Variants in ARHGEF4 observed in about 807,000 individuals in gnomAD.
ARHGEF4 encodes Rho guanine nucleotide exchange factor 4.
In ARHGEF4, 119 loss-of-function variants were observed where a neutral mutation model predicts 162.0. That is an observed-to-expected ratio of 0.73 (90% confidence interval 0.63 to 0.86). The LOEUF (loss-of-function observed/expected upper bound fraction) is 0.86, where lower values mean the gene tolerates loss of function less well. Among genes scored for constraint, ARHGEF4 ranks in the 40% least tolerant of loss-of-function variants. The pLI is 0.00. For missense variants in ARHGEF4, 2,488 were observed against 2,456.0 expected, an observed-to-expected ratio of 1.01 and a Z score of -0.28; for synonymous variants, 1,014 against 979.9, an observed-to-expected ratio of 1.03 and a Z score of -0.65.
intron 1 of ARHGEF4, among the ~76,000 whole-genome samples, chr2:130,901,896 A>C (rs1397799720): frequency 6.6e-6 from 1 of 152,202 alleles, no homozygotes; most frequent in Non-Finnish European, 1.5e-5. Context: ...AAATCAGCCC[A>C]GGGCCAGATA....
chr2:130,852,832 G>C (rs1681506717), intron 1 of ARHGEF4, among the ~76,000 whole-genome samples: 1 of 152,196 alleles, frequency 6.6e-6, no homozygotes, highest in Non-Finnish European at 1.5e-5. Context: ...CACTCCTCAG[G>C]GTTGTGCTCT....
intron 4 of ARHGEF4, among the ~76,000 whole-genome samples, chr2:130,992,431 G>C (rs1260538116): frequency 6.6e-6 from 1 of 152,130 alleles, no homozygotes; most frequent in Non-Finnish European, 1.5e-5. Flanking sequence ...AAGCCAGCGA[G>C]ACCACGAGCC....
intron 4 of ARHGEF4, among the ~76,000 whole-genome samples, chr2:130,964,645 C>T (rs1240392414): frequency 1.3e-5 from 2 of 152,240 alleles, no homozygotes; most frequent in South Asian, 2.1e-4. Context: ...AGCTGCTTAG[C>T]CTCTGTAAAG....
At chr2:130,856,807 A>G (rs1001658407) in intron 1 of ARHGEF4, among the ~76,000 whole-genome samples, 1 of 152,232 alleles carries the variant, frequency 6.6e-6, no homozygotes, top group Non-Finnish European at 1.5e-5. Context: ...GTATATTAAA[A>G]AAAAAGAAAT....
intron 1 of ARHGEF4, among the ~76,000 whole-genome samples, chr2:130,860,966 G>T (rs1574112032): frequency 1.4e-5 from 1 of 69,566 alleles, no homozygotes; most frequent in Non-Finnish European, 2.4e-5. Flanking sequence ...AAGCTAAGAT[G>T]AATATTGTAA....
chr2:130,875,736 ACCCATAGCT>A (rs1678787800), intron 1 of ARHGEF4, among the ~76,000 whole-genome samples: 1 of 152,010 alleles, frequency 6.6e-6, no homozygotes, highest in Non-Finnish European at 1.5e-5. Flanking sequence ...GACACACTTA[ACCCATAGCT>A]CCTACCAAGA....
intron 4 of ARHGEF4, among the ~76,000 whole-genome samples, chr2:131,027,470 T>G (rs1398893395): frequency 6.6e-6 from 1 of 152,228 alleles, no homozygotes; most frequent in Non-Finnish European, 1.5e-5. Context: ...GGTGTTTTTC[T>G]TAAGTAGAGT....
chr2:131,042,648 CTGGGG>C (rs1222156140), intron 10 of ARHGEF4, among the ~76,000 whole-genome samples: 2 of 152,172 alleles, frequency 1.3e-5, no homozygotes, highest in African/African-American at 4.8e-5. Context: ...ATCAGAAGCC[CTGGGG>C]CGGGGCTGAG....
intron 5 of ARHGEF4, chr2:131,034,965 C>T (rs1296538367): frequency 2.0e-6 from 2 of 983,310 alleles, no homozygotes; most frequent in African/African-American, 1.8e-5. Context: ...CGCACGGCGC[C>T]GGCTTCGCGG....
At chr2:130,871,610 C>T (rs1312898862) in intron 1 of ARHGEF4, among the ~76,000 whole-genome samples, 2 of 151,034 alleles carry the variant, frequency 1.3e-5, no homozygotes, top group East Asian at 3.9e-4. Flanking sequence ...CACACACACA[C>T]ACCTGCTTTC....
At chr2:130,981,396 T>C (rs1686106863) in intron 4 of ARHGEF4, among the ~76,000 whole-genome samples, 1 of 151,766 alleles carries the variant, frequency 6.6e-6, no homozygotes, top group Non-Finnish European at 1.5e-5. Context: ...GAAGTGAAAA[T>C]AGGCCTGTAA....
chr2:130,983,432 T>C (rs1686257710), intron 4 of ARHGEF4, among the ~76,000 whole-genome samples: 1 of 152,154 alleles, frequency 6.6e-6, no homozygotes, highest in Admixed American at 6.5e-5. Flanking sequence ...TAACCTTCCA[T>C]GCCAAACCCT....
At chr2:130,837,124 G>A in intron 1 of ARHGEF4, 132 bp downstream of exon 1, 2 of 787,958 alleles carry the variant, frequency 2.5e-6, no homozygotes, top group Non-Finnish European at 3.4e-6. Flanking sequence ...CACCCTCGTG[G>A]CTCCCCGCCG....
intron 4 of ARHGEF4, among the ~76,000 whole-genome samples, chr2:131,009,259 G>C (rs1688306567): frequency 6.6e-6 from 1 of 152,184 alleles, no homozygotes; most frequent in African/African-American, 2.4e-5. Context: ...AGAATTCTGA[G>C]TTGACAGTTT....
chr2:130,919,849 C>T (rs149208243), intron 2 of ARHGEF4, among the ~76,000 whole-genome samples: 2,753 of 151,524 alleles, frequency 0.018, 77 homozygotes, highest in African/African-American at 0.063. Context: ...GCACTCCAAC[C>T]TGGGCGACAG....
At chr2:130,853,696 G>T (rs901542491) in intron 1 of ARHGEF4, among the ~76,000 whole-genome samples, 1 of 152,178 alleles carries the variant, frequency 6.6e-6, no homozygotes, top group African/African-American at 2.4e-5. Flanking sequence ...GGTGCGGTCT[G>T]CCCCTCTCCA....
intron 1 of ARHGEF4, among the ~76,000 whole-genome samples, chr2:130,883,385 C>G (rs1679315077): frequency 6.6e-6 from 1 of 152,048 alleles, no homozygotes. Flanking sequence ...CTGTGGAATG[C>G]CGGAGCAGTG....
At chr2:130,866,156 A>T (rs1192941694) in intron 1 of ARHGEF4, among the ~76,000 whole-genome samples, 2 of 152,170 alleles carry the variant, frequency 1.3e-5, no homozygotes, top group African/African-American at 4.8e-5. Flanking sequence ...GGATTGCTTA[A>T]GGCCAAGAGT....
Position 130,914,798 on chromosome 2 carries a change from C to T in ARHGEF4, c.852C>T (p.Leu284=). 7 of 1,444,602 alleles carry T rather than the reference C, an allele frequency of 4.8e-6. No individual in the cohort carries two copies. The highest frequency in any genetic ancestry group is 2.8e-5 in the Admixed American group (1 of 35,332). 89.5% of individuals were successfully genotyped at this position (1,444,602 alleles called of 1,614,324 possible). ...TLGPAGDTEL[L]WSQPHSDVPC... ...GCCCTGCAGGGGACACAGAATTGCT[C>T]TGGTCCCAGCCCCACTCGGATGTCC... Residue 284 remains leucine (L), a synonymous_variant, in exon 2 of 14, where the codon CTC becomes CTT. Transcript: ENST00000409359.
Sources: allele counts gnomAD v4.1 joint callset (sites outside exome capture counted in the v4.1 genomes callset), GRCh38; gene constraint gnomAD v4.1.1; transcripts MANE v1.5; gene names NCBI Gene and HGNC (gene_info 2026-07-23, HGNC 2026-07-21).